The following ARHGEF38 variants were observed in gnomAD, a reference collection of about 807,000 sequenced individuals.
ARHGEF38 encodes the protein Rho guanine nucleotide exchange factor 38.
ARHGEF38 carries 79 observed loss-of-function variants against 79.9 expected under a neutral mutation model. The ratio of observed to expected loss-of-function variants is 0.99; its 90% CI spans 0.82 to 1.19. The LOEUF (loss-of-function observed/expected upper bound fraction) is 1.19. Among genes scored for constraint, ARHGEF38 ranks in the 50% most tolerant of loss-of-function variants. The probability of loss-of-function intolerance (pLI) is 0.00; values close to 1 mark genes in which losing one functional copy is unlikely to be tolerated. For missense variants in ARHGEF38, 962 were observed against 907.2 expected, an observed-to-expected ratio of 1.06 and a Z score of -0.78; for synonymous variants, 366 against 328.3, an observed-to-expected ratio of 1.11 and a Z score of -1.24.
intron 2 of ARHGEF38, among the ~76,000 whole-genome samples, chr4:105,591,166 A>G (rs1437448793): frequency 6.6e-6 from 1 of 152,154 alleles, no homozygotes; most frequent in African/African-American, 2.4e-5. Context: ...TCATGCCCCC[A>G]ACTATTTACA....
rs1731268173 is a variant in ARHGEF38 at position 105,680,381 on chromosome 4, T to C, written c.*2444T>C. 1 of 228,714 alleles carries C rather than the reference T, an allele frequency of 4.4e-6. No homozygotes were observed. Among genetic ancestry groups the C allele is most frequent in the South Asian group, 7.4e-5 (1 of 13,458 alleles). The allele number at this position is 228,714 out of a possible 1,614,324, so 14.2% of individuals were successfully genotyped here. ...CATTCATTCATTGAACCAGTAAGTATTTATTGAGAGTTAGTGGGAATACAA... is the reference window on the plus strand; with the variant it reads ...CATTCATTCATTGAACCAGTAAGTACTTATTGAGAGTTAGTGGGAATACAA... On this transcript the variant is annotated 3_prime_UTR_variant, in exon 14 of 14. Coordinates refer to ENST00000420470, the MANE Select transcript of ARHGEF38 (RefSeq NM_001242729.2).
chr4:105,592,037 A>T (rs1048007138), intron 2 of ARHGEF38, among the ~76,000 whole-genome samples: 3 of 152,206 alleles, frequency 2.0e-5, no homozygotes, highest in African/African-American at 7.2e-5. Flanking sequence ...TTGATTTTAA[A>T]TGCACATAGC....
intron 1 of ARHGEF38, among the ~76,000 whole-genome samples, chr4:105,574,999 T>TATATAGCATATATATATATGTACACACAC (rs1560694803): frequency 4.0e-5 from 6 of 151,326 alleles, no homozygotes; most frequent in South Asian, 2.1e-4. Context: ...TGTACACACA[T>TATATAGCATATATATATATGTACACACAC]ACACACACAT....
rs1336667727 is a variant in ARHGEF38, at chr4:105,654,128, C to T, written c.1072C>T (p.Leu358Phe). ...TAGAGCTTTAGAAAAGACTGTGAGG[C>T]TTTGTGTGAAGAACATTTCACTCTG... ...LFRALEKTVRLCVKNISLCLQ... is the reference protein window; with the variant it reads ...LFRALEKTVRFCVKNISLCLQ... Residue 358 changes from leucine (L) to phenylalanine (F), a missense_variant, in exon 8 of 14, where the codon CTT becomes TTT. Leu to Phe is a conservative substitution (Grantham distance 22). Transcript: ENST00000420470. 6.6e-7 allele frequency: 1 copy of T among 1,520,544 alleles called. No individual in the cohort carries two copies. The highest frequency in any genetic ancestry group is 2.0e-5 in the Admixed American group (1 of 50,804). 94.2% of individuals were successfully genotyped at this position (1,520,544 alleles called of 1,614,324 possible). A position where few individuals can be genotyped will look rare whatever the true frequency, so the allele number is the denominator to read the frequency against.
intron 10 of ARHGEF38, among the ~76,000 whole-genome samples, chr4:105,661,689 G>A (rs1020629707): frequency 6.6e-6 from 1 of 151,844 alleles, no homozygotes; most frequent in Non-Finnish European, 1.5e-5. Context: ...ACACATCTGT[G>A]TAACTACCAC....
intron 13 of ARHGEF38, among the ~76,000 whole-genome samples, chr4:105,677,123 C>T (rs954391213): frequency 6.6e-6 from 1 of 152,062 alleles, no homozygotes; most frequent in African/African-American, 2.4e-5. Context: ...GCCACCACGC[C>T]CAGCTAATTT....
At chr4:105,645,785 A>G (rs1729814757) in intron 6 of ARHGEF38, among the ~76,000 whole-genome samples, 1 of 152,198 alleles carries the variant, frequency 6.6e-6, no homozygotes, top group Admixed American at 6.5e-5. Flanking sequence ...GGGAAGATCT[A>G]GGTGACAGAG....
At chr4:105,560,428 C>T (rs1725459916) in intron 1 of ARHGEF38, among the ~76,000 whole-genome samples, 1 of 152,048 alleles carries the variant, frequency 6.6e-6, no homozygotes, top group Non-Finnish European at 1.5e-5. Context: ...AACTGAGAGT[C>T]CTATTCTACA....
intron 1 of ARHGEF38, among the ~76,000 whole-genome samples, chr4:105,556,889 T>G (rs1271779966): frequency 6.6e-6 from 1 of 152,188 alleles, no homozygotes; most frequent in Non-Finnish European, 1.5e-5. Context: ...CATCAGAGAT[T>G]AAAATGTACA....
intron 3 of ARHGEF38, among the ~76,000 whole-genome samples, chr4:105,621,093 C>T (rs1728718641): frequency 6.6e-6 from 1 of 152,152 alleles, no homozygotes; most frequent in Non-Finnish European, 1.5e-5. Context: ...CTGTTCCTGC[C>T]AAGGCACTAG....
intron 5 of ARHGEF38, among the ~76,000 whole-genome samples, chr4:105,644,081 T>C (rs1729737701): frequency 6.6e-6 from 1 of 152,036 alleles, no homozygotes; most frequent in African/African-American, 2.4e-5. Context: ...TTGCCCAGGC[T>C]GGTCTTGAAC....
chr4:105,593,924 G>T lies in ARHGEF38; in HGVS notation c.384+4489G>T, dbSNP rs569235607. Among the ~76,000 whole-genome samples, 3 of 152,242 alleles carry T rather than the reference G, an allele frequency of 2.0e-5. 1 individual carries two copies. The highest frequency in any genetic ancestry group is 7.2e-5 in the African/African-American group (3 of 41,544). ...ATTTGGCTTTTGCTCTCAATACTGT[G>T]AATTACAATTCTCAAAATTCTAACT... On this transcript the variant is annotated intron_variant, in intron 2 of 13. Coordinates refer to ENST00000420470, the MANE Select transcript of ARHGEF38 (RefSeq NM_001242729.2).
intron 3 of ARHGEF38, among the ~76,000 whole-genome samples, chr4:105,626,634 A>T (rs10023798): frequency 6.6e-6 from 1 of 151,954 alleles, no homozygotes; most frequent in South Asian, 2.1e-4. Context: ...ATTATAGAAG[A>T]CTTTCAGTTT....
At position 105,667,661 on chromosome 4, in the gene ARHGEF38, A is replaced by C; in HGVS notation, c.2106A>C (p.Thr702=). ...GTGGCACATGTGGAAAGTTTGAAAC[A>C]AATGGTACTGATGTTGACAGTTTTC... ...SLSGTCGKFE[T]NGTDVDSFQE... Residue 702 remains threonine (T), a synonymous_variant, in exon 13 of 14, where the codon ACA becomes ACC. Coordinates refer to ENST00000420470, the MANE Select transcript of ARHGEF38 (RefSeq NM_001242729.2). 6.5e-7 allele frequency: 1 copy of C among 1,536,422 alleles called. No homozygotes were observed. The highest frequency in any genetic ancestry group is 2.4e-5 in the East Asian group (1 of 40,914).
Position 105,640,388 on chromosome 4 carries a change from A to T in ARHGEF38, c.674+3968A>T, listed in dbSNP as rs1436162732. 2.0e-5 allele frequency among the ~76,000 whole-genome samples: 3 copies of T among 152,162 alleles called. No individual in the cohort carries two copies. In the South Asian group the frequency reaches 6.2e-4, roughly 32 times the overall value. On this transcript the variant is annotated intron_variant, in intron 5 of 13. Transcript: ENST00000420470. ...GCTGCTTCTTGTTCTTCATTTACTT[A>T]GTTTTCTTTGTATTAACAATTAATG...
chr4:105,610,472 A>T (rs909997028), intron 2 of ARHGEF38, among the ~76,000 whole-genome samples: 4 of 152,104 alleles, frequency 2.6e-5, no homozygotes, highest in Admixed American at 2.0e-4. Flanking sequence ...TTAAAATGTA[A>T]TTCAACTTAA....
chr4:105,636,252 A>T (rs957004619), intron 4 of ARHGEF38, 151 bp from the exon 5 acceptor site: 9 of 168,850 alleles, frequency 5.3e-5, no homozygotes, highest in Non-Finnish European at 1.0e-4. Context: ...TAGGGACATG[A>T]TTATAAAATA....
At chr4:105,616,036 G>A (rs937391628) in intron 3 of ARHGEF38, among the ~76,000 whole-genome samples, 7 of 152,116 alleles carry the variant, frequency 4.6e-5, no homozygotes, top group African/African-American at 1.7e-4. Flanking sequence ...TGAAGCCATC[G>A]GGATGCCAGT....
intron 2 of ARHGEF38, among the ~76,000 whole-genome samples, chr4:105,599,863 A>G (rs1372962485): frequency 6.6e-6 from 1 of 152,180 alleles, no homozygotes; most frequent in Non-Finnish European, 1.5e-5. Context: ...AGAGTATGTA[A>G]GGACATATGA....
Sources: gnomAD v4.1 joint callset for allele counts (sites outside exome capture counted in the v4.1 genomes callset) on GRCh38, gnomAD v4.1.1 for gene constraint, MANE v1.5 for transcripts, NCBI Gene and HGNC (gene_info 2026-07-23, HGNC 2026-07-21) for gene names.